The following RGS8 variants were observed in gnomAD, a reference collection of about 807,000 sequenced individuals.
RGS8 encodes the protein regulator of G protein signaling 8, also known as regulator of G-protein signaling 8.
A neutral mutation model predicts 21.7 loss-of-function variants in RGS8; 8 were observed. That is an observed-to-expected ratio of 0.37 (90% CI 0.22 to 0.66). The LOEUF is 0.66. RGS8 is among the 30% of genes least tolerant of loss of function. The probability of loss-of-function intolerance (pLI) is 0.59; values close to 1 mark genes in which losing one functional copy is unlikely to be tolerated. For synonymous variants in RGS8, 80 were observed against 83.6 expected (o/e 0.96, Z 0.24); for missense variants, 157 against 217.9 (o/e 0.72, Z 1.76).
At chr1:182,741,359 G>T in the RGS8 span, among the ~76,000 whole-genome samples, 3 of 133,824 alleles carry the variant, frequency 2.2e-5, no homozygotes, top group Admixed American at 7.0e-5. Context: ...GGGCGGGGGG[G>T]CTGAACCCCC....
the RGS8 span, among the ~76,000 whole-genome samples, chr1:182,694,946 C>T: frequency 7.2e-5 from 11 of 152,142 alleles, no homozygotes; most frequent in African/African-American, 2.7e-4. Flanking sequence ...CGAACTTGCA[C>T]CCACATATAG....
chr1:182,662,370 T>C (rs1466102294), intron 5 of RGS8, among the ~76,000 whole-genome samples: 3 of 152,198 alleles, frequency 2.0e-5, no homozygotes, highest in African/African-American at 4.8e-5. Context: ...CTCTGTTTGC[T>C]ACAGAGAGCA....
At chr1:182,724,200 G>GGA in the RGS8 span, among the ~76,000 whole-genome samples, 106 of 44,786 alleles carry the variant, frequency 2.4e-3, no homozygotes, top group African/African-American at 5.0e-3. Flanking sequence ...AGGCTAGACT[G>GGA]GATATATATA....
the RGS8 span, among the ~76,000 whole-genome samples, chr1:182,748,721 A>G: frequency 6.6e-6 from 1 of 152,222 alleles, no homozygotes; most frequent in Non-Finnish European, 1.5e-5. Context: ...ATTCCTGCTA[A>G]TAGTATATAA....
chr1:182,670,573 C>T (rs1039209420), intron 2 of RGS8, among the ~76,000 whole-genome samples: 5 of 152,128 alleles, frequency 3.3e-5, no homozygotes, highest in Non-Finnish European at 7.3e-5. Context: ...ATAAAGGGCT[C>T]CCCTGGGGGA....
At chr1:182,669,146 G>C (rs755527024) in intron 3 of RGS8, among the ~76,000 whole-genome samples, 3 of 152,136 alleles carry the variant, frequency 2.0e-5, no homozygotes, top group Middle Eastern at 3.2e-3. Flanking sequence ...GGGACAAAAT[G>C]GTTTTTATTT....
chr1:182,661,075 A>G (rs1361919835), intron 5 of RGS8, among the ~76,000 whole-genome samples: 1 of 151,536 alleles, frequency 6.6e-6, no homozygotes, highest in Non-Finnish European at 1.5e-5. Context: ...GATAATTTTA[A>G]TGTTTGTTTA....
chr1:182,740,464 C>T, the RGS8 span, among the ~76,000 whole-genome samples: 3 of 150,668 alleles, frequency 2.0e-5, no homozygotes, highest in African/African-American at 7.3e-5. Flanking sequence ...ACTGAGGCAT[C>T]AAAGGTCGTA....
At chr1:182,684,684 G>C (rs1466086224), upstream of RGS8, 1 of 152,276 alleles carries the variant, frequency 6.6e-6, no homozygotes, top group Non-Finnish European at 1.5e-5. This position sits in a 1 kb window ranked among gnomAD's most constrained non-coding sequence, Gnocchi z 4.2. Context: ...AGGACCGCAG[G>C]CTCCAGCAGG....
chr1:182,689,110 A>G (rs983088174), upstream of RGS8, among the ~76,000 whole-genome samples: 1 of 152,174 alleles, frequency 6.6e-6, no homozygotes, highest in African/African-American at 2.4e-5. Flanking sequence ...CAACAGGAGC[A>G]AAAAGCAAAA....
At chr1:182,668,323 A>G (rs1352307807) in intron 3 of RGS8, among the ~76,000 whole-genome samples, 1 of 152,226 alleles carries the variant, frequency 6.6e-6, no homozygotes, top group Non-Finnish European at 1.5e-5. Flanking sequence ...CCGCTTGCAC[A>G]TTTGCAACAA....
At chr1:182,686,422 T>G (rs1011346690), upstream of RGS8, among the ~76,000 whole-genome samples, 1 of 151,768 alleles carries the variant, frequency 6.6e-6, no homozygotes, top group Non-Finnish European at 1.5e-5. Context: ...TGAGAGAAGA[T>G]GAGAGCCAAA....
chr1:182,708,201 A>G, the RGS8 span, among the ~76,000 whole-genome samples: 1 of 152,132 alleles, frequency 6.6e-6, no homozygotes, highest in African/African-American at 2.4e-5. Flanking sequence ...ACCCCTTGGG[A>G]AGAAGTACTA....
chr1:182,665,641 G>A (rs1361605241), intron 5 of RGS8, among the ~76,000 whole-genome samples: 1 of 152,146 alleles, frequency 6.6e-6, no homozygotes, highest in Non-Finnish European at 1.5e-5. Context: ...AGATCTGGCT[G>A]GAACCTAGCT....
At chr1:182,724,121 G>A in the RGS8 span, among the ~76,000 whole-genome samples, 2 of 148,594 alleles carry the variant, frequency 1.3e-5, no homozygotes, top group Non-Finnish European at 3.0e-5. Context: ...CTCAATCTGG[G>A]TGGGCACCAT....
the RGS8 span, among the ~76,000 whole-genome samples, chr1:182,695,951 A>G: frequency 6.6e-6 from 1 of 152,210 alleles, no homozygotes; most frequent in African/African-American, 2.4e-5. Context: ...CTGCACCCAT[A>G]TATAGTGCTC....
chr1:182,671,220 T>C (rs677993), intron 2 of RGS8, among the ~76,000 whole-genome samples: 18,029 of 152,116 alleles, frequency 0.12, 1,927 homozygotes, highest in African/African-American at 0.28. Flanking sequence ...CACTACCCAT[T>C]TGATGCTCTC....
At chr1:182,689,264 G>GAC (rs34000229), upstream of RGS8, among the ~76,000 whole-genome samples, 14,815 of 125,628 alleles carry the variant, frequency 0.12, 697 homozygotes, top group South Asian at 0.16. Context: ...CACACACACA[G>GAC]ACACACACAC....
upstream of RGS8, among the ~76,000 whole-genome samples, chr1:182,677,787 T>C (rs1001797472): frequency 2.0e-5 from 3 of 152,234 alleles, no homozygotes; most frequent in African/African-American, 7.2e-5. Context: ...ATTTCAAAGT[T>C]AAATTTTGGA....
Sources: gnomAD v4.1 joint callset for allele counts (sites outside exome capture counted in the v4.1 genomes callset) on GRCh38, gnomAD v4.1.1 for gene constraint, Gnocchi (gnomAD v3.1) non-coding constraint, MANE v1.5 for transcripts, NCBI Gene and HGNC (gene_info 2026-07-23, HGNC 2026-07-21) for gene names.